The following CDC14B variants were observed in gnomAD, a reference collection of about 807,000 sequenced individuals.
CDC14B encodes the protein dual specificity protein phosphatase CDC14B.
CDC14B carries 22 observed loss-of-function variants against 64.2 expected under a neutral mutation model. That is an observed-to-expected ratio of 0.34 (90% CI 0.24 to 0.49). The LOEUF (loss-of-function observed/expected upper bound fraction) is 0.49. Among genes scored for constraint, CDC14B ranks in the 20% least tolerant of loss-of-function variants. CDC14B has a pLI of 0.99. For missense variants in CDC14B, 498 were observed against 629.9 expected (o/e 0.79, Z 2.24); for synonymous variants, 191 against 215.8 (o/e 0.89, Z 1.01).
chr9:96,617,760 T>C (rs1435743887), intron 1 of CDC14B, among the ~76,000 whole-genome samples: 2 of 152,216 alleles, frequency 1.3e-5, no homozygotes, highest in Non-Finnish European at 2.9e-5. Flanking sequence ...CGTACTCCTG[T>C]GCACCTTTAG....
rs146899084 is a variant in CDC14B at position 96,507,779 on chromosome 9, T to C, written c.1460+1894A>G. Reference sequence around the variant, plus strand: ...AAACACTCCCATTTCCCTTCATTTATTGTAGAAAAATTGGAAAATAAGACG... The same window carrying C: ...AAACACTCCCATTTCCCTTCATTTACTGTAGAAAAATTGGAAAATAAGACG... On this transcript the variant is annotated intron_variant, in intron 13 of 13. Coordinates refer to ENST00000375241, the MANE Select transcript of CDC14B (RefSeq NM_033331.4). Among the ~76,000 whole-genome samples the C allele has an allele frequency of 3.3e-5, 5 of 152,206 alleles. No homozygotes were observed. In the East Asian group the frequency reaches 7.7e-4, roughly 24 times the overall value.
At chr9:96,562,815 T>C in intron 3 of CDC14B, 30 bp from the exon 4 acceptor site, 1 of 1,372,078 alleles carries the variant, frequency 7.3e-7, no homozygotes, top group South Asian at 1.2e-5. Flanking sequence ...TGTTAGCATT[T>C]TCTTTTTAAT....
At chr9:96,543,573 T>C (rs1840390825) in intron 5 of CDC14B, among the ~76,000 whole-genome samples, 1 of 152,128 alleles carries the variant, frequency 6.6e-6, no homozygotes, top group Non-Finnish European at 1.5e-5. Flanking sequence ...ACTGCATCAA[T>C]ACATACCAGT....
At chr9:96,557,120 C>T (rs578000169) in intron 4 of CDC14B, among the ~76,000 whole-genome samples, 53 of 152,364 alleles carry the variant, frequency 3.5e-4, no homozygotes, top group African/African-American at 1.3e-3. Context: ...GCAGTGGAAA[C>T]GCCCGTCAGA....
At chr9:96,582,647 T>C (rs1845222804) in intron 1 of CDC14B, among the ~76,000 whole-genome samples, 1 of 152,114 alleles carries the variant, frequency 6.6e-6, no homozygotes, top group Non-Finnish European at 1.5e-5. Flanking sequence ...CTGCAGGAAG[T>C]AAAAAAGGCC....
chr9:96,582,968 G>A (rs1290827199), intron 1 of CDC14B, among the ~76,000 whole-genome samples: 3 of 152,148 alleles, frequency 2.0e-5, no homozygotes, highest in Non-Finnish European at 4.4e-5. Context: ...ACAGGGAGCC[G>A]ATCGGGCAGA....
At chr9:96,587,847 AT>A (rs1845547728) in intron 1 of CDC14B, among the ~76,000 whole-genome samples, 1 of 152,070 alleles carries the variant, frequency 6.6e-6, no homozygotes, top group Non-Finnish European at 1.5e-5. Context: ...CCCCAGAGCA[AT>A]TTTTTTAAAG....
intron 4 of CDC14B, among the ~76,000 whole-genome samples, chr9:96,552,804 T>C (rs1403916455): frequency 6.6e-6 from 1 of 151,926 alleles, no homozygotes; most frequent in Non-Finnish European, 1.5e-5. Flanking sequence ...AAGGTTGGGG[T>C]TGGGGAGGCG....
At chr9:96,615,851 A>C (rs1215800426) in intron 1 of CDC14B, among the ~76,000 whole-genome samples, 1 of 152,178 alleles carries the variant, frequency 6.6e-6, no homozygotes, top group Non-Finnish European at 1.5e-5. Context: ...GTCCATATGT[A>C]CTCTGGCCTG....
chr9:96,542,553 A>G (rs759335734), intron 5 of CDC14B, among the ~76,000 whole-genome samples: 3 of 151,978 alleles, frequency 2.0e-5, no homozygotes, highest in Non-Finnish European at 4.4e-5. Context: ...GTTGGGGTGC[A>G]GTGCAGCTCA....
rs1021398785 is a variant in CDC14B, at chr9:96,500,784, T to A, written c.*2969A>T. ...AGAGAAGCTGTGTTAAGAACAGACA[T>A]CCAATGAGTGCACTGCTTCTGTGGC... On this transcript the variant is annotated 3_prime_UTR_variant, in exon 14 of 14. Transcript: ENST00000375241. 1.3e-5 allele frequency: 2 copies of A among 152,138 alleles called. No homozygotes were observed. Among genetic ancestry groups the A allele is most frequent in the Non-Finnish European group, 2.9e-5 (2 of 68,030 alleles). 9.4% of individuals were successfully genotyped at this position (152,138 alleles called of 1,614,324 possible). A position where few individuals can be genotyped will look rare whatever the true frequency, so the allele number is the denominator to read the frequency against.
At chr9:96,580,955 G>A (rs996120313) in intron 1 of CDC14B, among the ~76,000 whole-genome samples, 6 of 152,294 alleles carry the variant, frequency 3.9e-5, no homozygotes, top group South Asian at 2.1e-4. Context: ...ATTTAAGCTC[G>A]GTGCGGTGGC....
chr9:96,601,054 T>G (rs538280417), intron 1 of CDC14B, among the ~76,000 whole-genome samples: 1 of 152,162 alleles, frequency 6.6e-6, no homozygotes, highest in Admixed American at 6.5e-5. Context: ...TTATATGAAA[T>G]AGGAAGAAAC....
intron 1 of CDC14B, among the ~76,000 whole-genome samples, chr9:96,589,404 G>T (rs994524825): frequency 1.3e-5 from 2 of 151,584 alleles, no homozygotes; most frequent in African/African-American, 2.4e-5. Flanking sequence ...GAATATGCAA[G>T]AATTCTGTTT....
intron 1 of CDC14B, among the ~76,000 whole-genome samples, chr9:96,571,317 A>G (rs1844459121): frequency 6.6e-6 from 1 of 152,026 alleles, no homozygotes; most frequent in Non-Finnish European, 1.5e-5. Context: ...CTGGGACTAC[A>G]GGCGTGTGCC....
intron 5 of CDC14B, among the ~76,000 whole-genome samples, chr9:96,550,170 G>A (rs984332882): frequency 7.9e-5 from 12 of 152,220 alleles, no homozygotes; most frequent in African/African-American, 2.7e-4. Flanking sequence ...TATAGGTTGA[G>A]AAGAATTTTC....
intron 1 of CDC14B, chr9:96,618,732 C>A (rs1564400347): frequency 7.7e-6 from 3 of 390,284 alleles, no homozygotes; most frequent in Non-Finnish European, 1.5e-5. Context: ...GGCTACGGAG[C>A]AGCGGGGGTT....
At chr9:96,516,229 C>T (rs1835638087) in intron 12 of CDC14B, among the ~76,000 whole-genome samples, 2 of 152,090 alleles carry the variant, frequency 1.3e-5, no homozygotes, top group Non-Finnish European at 2.9e-5. Context: ...ACAGGAGGCA[C>T]AACTAAAAAT....
intron 12 of CDC14B, among the ~76,000 whole-genome samples, chr9:96,516,010 C>T (rs1482530873): frequency 6.6e-6 from 1 of 152,136 alleles, no homozygotes; most frequent in Non-Finnish European, 1.5e-5. Context: ...TACTTTGGGA[C>T]TCAGTCACTA....
Sources: allele counts gnomAD v4.1 joint callset (sites outside exome capture counted in the v4.1 genomes callset), GRCh38; gene constraint gnomAD v4.1.1; transcripts MANE v1.5; gene names NCBI Gene and HGNC (gene_info 2026-07-23, HGNC 2026-07-21).